Variants in PEX5L observed in about 807,000 individuals in gnomAD.
The protein encoded by PEX5L is PEX5-related protein.
A neutral mutation model predicts 84.0 loss-of-function variants in PEX5L; 30 were observed. The ratio of observed to expected loss-of-function variants is 0.36; its 90% CI spans 0.27 to 0.48. The LOEUF is 0.48. PEX5L is among the 20% of genes least tolerant of loss of function. PEX5L has a pLI of 0.99. For missense variants in PEX5L, 533 were observed against 754.6 expected (o/e 0.71, Z 3.44); for synonymous variants, 270 against 283.1 (o/e 0.95, Z 0.46).
At chr3:179,989,156 A>G (rs1225255275) in intron 1 of PEX5L, among the ~76,000 whole-genome samples, 1 of 152,184 alleles carries the variant, frequency 6.6e-6, no homozygotes, top group Non-Finnish European at 1.5e-5. Flanking sequence ...GGTTCTACCC[A>G]CTATAGGCAG....
intron 2 of PEX5L, among the ~76,000 whole-genome samples, chr3:179,911,290 C>T (rs967743881): frequency 2.0e-5 from 3 of 152,196 alleles, no homozygotes; most frequent in African/African-American, 7.2e-5. Flanking sequence ...AATGTGGCAA[C>T]ATAGCTTTAT....
At chr3:179,895,830 G>A (rs917495925) in intron 3 of PEX5L, 10 of 152,154 alleles carry the variant, frequency 6.6e-5, no homozygotes, top group Non-Finnish European at 8.8e-5. Context: ...TTTATGTATC[G>A]TAATTATCCC....
intron 1 of PEX5L, among the ~76,000 whole-genome samples, chr3:179,997,363 C>T (rs1485671355): frequency 2.0e-5 from 3 of 152,122 alleles, no homozygotes; most frequent in Non-Finnish European, 4.4e-5. Flanking sequence ...AGTGGGTTCC[C>T]TGACTCATCT....
chr3:180,030,007 G>A (rs1160376346), intron 1 of PEX5L, among the ~76,000 whole-genome samples: 1 of 152,114 alleles, frequency 6.6e-6, no homozygotes, highest in East Asian at 1.9e-4. Context: ...CTTTCTTAAG[G>A]AGCTTCCATA....
At chr3:179,993,660 C>T (rs1178071289) in intron 1 of PEX5L, among the ~76,000 whole-genome samples, 7 of 151,972 alleles carry the variant, frequency 4.6e-5, no homozygotes, top group Admixed American at 1.3e-4. Flanking sequence ...CCACCACACC[C>T]GGCTAATTTT....
At chr3:179,949,610 GT>G (rs1430784324) in intron 2 of PEX5L, among the ~76,000 whole-genome samples, 13 of 117,206 alleles carry the variant, frequency 1.1e-4, no homozygotes, top group Non-Finnish European at 1.9e-4. Flanking sequence ...ATCATACTTT[GT>G]TTCCAAGCAA....
At chr3:180,008,411 A>G (rs1434344452) in intron 1 of PEX5L, among the ~76,000 whole-genome samples, 2 of 152,140 alleles carry the variant, frequency 1.3e-5, no homozygotes, top group Non-Finnish European at 2.9e-5. Flanking sequence ...AAATTTTCCC[A>G]CATTTTCCTG....
At chr3:180,036,393 C>T (rs1048688810) in intron 1 of PEX5L, among the ~76,000 whole-genome samples, 186 bp downstream of exon 1, 1 of 152,168 alleles carries the variant, frequency 6.6e-6, no homozygotes, top group Admixed American at 6.5e-5. Context: ...CTTCCCTCCC[C>T]TTCTCCCACC....
chr3:179,990,296 G>A (rs1787259657), intron 1 of PEX5L, among the ~76,000 whole-genome samples: 1 of 152,154 alleles, frequency 6.6e-6, no homozygotes, highest in Admixed American at 6.5e-5. Context: ...CTAGAGAAAA[G>A]ATCTTGGCCC....
chr3:179,986,821 C>G (rs1786899070), intron 1 of PEX5L, among the ~76,000 whole-genome samples: 2 of 152,152 alleles, frequency 1.3e-5, no homozygotes, highest in Non-Finnish European at 2.9e-5. Flanking sequence ...AGCTCAGCCC[C>G]CTGCCCTCAG....
chr3:179,971,727 CT>C (rs1784799231), intron 1 of PEX5L, 62 bp from the exon 2 acceptor site: 1 of 1,420,640 alleles, frequency 7.0e-7, no homozygotes, highest in Non-Finnish European at 9.4e-7. Flanking sequence ...CTTAATTCTA[CT>C]TAATATTTTT....
intron 8 of PEX5L, among the ~76,000 whole-genome samples, chr3:179,820,768 G>A (rs1020900440): frequency 1.3e-5 from 2 of 152,188 alleles, no homozygotes; most frequent in Non-Finnish European, 2.9e-5. Context: ...GCTGTCCCTG[G>A]TTGACTCCTA....
Position 179,953,625 on chromosome 3 carries a change from G to A in PEX5L, c.93+17969C>T, listed in dbSNP as rs73883420. On this transcript the variant is annotated intron_variant, in intron 2 of 14. Coordinates refer to ENST00000467460, the MANE Select transcript of PEX5L (RefSeq NM_016559.3). ...CAGGAGGGCTGTATCATTCATAAGT[G>A]CCTTTAAGTTGGTTTCCATGATGCT... is the stretch of plus-strand genomic sequence containing the variant. Among the ~76,000 whole-genome samples the A allele has an allele frequency of 5.7e-3, 867 of 152,242 alleles. 7 individuals are homozygous for A. The highest frequency in any genetic ancestry group is 0.02 in the African/African-American group (830 of 41,544).
intron 7 of PEX5L, among the ~76,000 whole-genome samples, chr3:179,869,240 C>CCAT (rs1316790446): frequency 1.3e-5 from 2 of 152,182 alleles, no homozygotes; most frequent in Non-Finnish European, 2.9e-5. Flanking sequence ...AAGGCTTGAA[C>CCAT]CATCAGTCTC....
At chr3:180,010,846 A>C (rs1292720782) in intron 1 of PEX5L, among the ~76,000 whole-genome samples, 1 of 151,956 alleles carries the variant, frequency 6.6e-6, no homozygotes, top group African/African-American at 2.4e-5. Context: ...AATTTTGTGT[A>C]ATTTGTTAAA....
chr3:179,988,177 A>G (rs1787031574), intron 1 of PEX5L, among the ~76,000 whole-genome samples: 1 of 152,150 alleles, frequency 6.6e-6, no homozygotes, highest in Non-Finnish European at 1.5e-5. Flanking sequence ...AGGTGGGTGG[A>G]TCACCTAAGG....
intron 1 of PEX5L, among the ~76,000 whole-genome samples, chr3:179,981,023 CAAA>C (rs4041253): frequency 7.8e-4 from 106 of 135,978 alleles, no homozygotes; most frequent in East Asian, 2.3e-3. Flanking sequence ...GACTCCTTCT[CAAA>C]AAAAAAAAAA....
At chr3:179,963,836 T>C (rs1782678593) in intron 2 of PEX5L, among the ~76,000 whole-genome samples, 1 of 152,126 alleles carries the variant, frequency 6.6e-6, no homozygotes, top group Admixed American at 6.6e-5. Context: ...ATGCACAGTC[T>C]ACTAACCTCA....
intron 2 of PEX5L, chr3:179,902,610 C>T (rs1009980838): frequency 1.8e-5 from 8 of 454,656 alleles, no homozygotes; most frequent in African/African-American, 1.4e-4. Context: ...TAGCATCTCT[C>T]TAATTCTTAT....
Sources: gnomAD v4.1 joint callset for allele counts (sites outside exome capture counted in the v4.1 genomes callset) on GRCh38, gnomAD v4.1.1 for gene constraint, MANE v1.5 for transcripts, NCBI Gene and HGNC (gene_info 2026-07-23, HGNC 2026-07-21) for gene names.